Variants in DST observed in about 807,000 individuals in gnomAD.
The protein encoded by DST is bullous pemphigoid antigen.
In DST, 253 loss-of-function variants were observed where a neutral mutation model predicts 875.2. The ratio of observed to expected loss-of-function variants is 0.29; its 90% CI spans 0.26 to 0.32. The LOEUF (loss-of-function observed/expected upper bound fraction) is 0.32. Ranked by LOEUF, DST falls within the 10% of genes least tolerant of loss-of-function variation. DST has a pLI of 1.00. For missense variants in DST, 8,287 were observed against 9,111.6 expected (o/e 0.91, Z 3.68); for synonymous variants, 3,124 against 3,197.1 (o/e 0.98, Z 0.77).
intron 3 of DST, among the ~76,000 whole-genome samples, chr6:56,884,961 A>G (rs1424761211): frequency 6.6e-6 from 1 of 152,124 alleles, no homozygotes; most frequent in Admixed American, 6.5e-5. Flanking sequence ...CGATCTCCTG[A>G]CCTCATGATC....
Position 56,954,721 on chromosome 6 carries a change from C to T in DST, c.-134G>A. On this transcript the variant is annotated 5_prime_UTR_variant, in exon 1 of 104. Coordinates refer to ENST00000680361, the MANE Select transcript of DST (RefSeq NM_001374736.1). The stretch of plus-strand genomic sequence containing the variant: ...GCGTCATGCCTGGCGCTCGCGGCCC[C>T]GCGCCCAGCCCAATGGCTGCGCACC... 1 of 400,448 alleles carries T rather than the reference C, an allele frequency of 2.5e-6. No individual in the cohort carries two copies. Among genetic ancestry groups the T allele is most frequent in the Non-Finnish European group, 3.5e-6 (1 of 286,998 alleles). The allele number at this position is 400,448 out of a possible 1,614,324, so 24.8% of individuals were successfully genotyped here.
Position 56,634,466 on chromosome 6 carries a change from T to G in DST, c.3490A>C (p.Asn1164His). The G allele has an allele frequency of 6.2e-7, 1 of 1,614,150 alleles. No homozygotes were observed. Among genetic ancestry groups the G allele is most frequent in the Non-Finnish European group, 8.5e-7 (1 of 1,180,008 alleles). ...TTTTAGCTAATATATACAAACCTGT[T>G]GGCAAGGTCCACCGCTTCTTTGTTT... ...PPNKEAVDLA[N>H]RIEQQYQNVL... Residue 1164 changes from asparagine to histidine, a missense_variant, in exon 26 of 104, where the codon AAC (asparagine) becomes CAC (histidine). Around this residue, in one of 10 missense-constraint regions of DST, gnomAD observed 1,160 missense variants for 1,424.3 expected, o/e 0.81. Transcript: ENST00000680361.
chr6:56,600,783 TAAG>T lies in DST; in HGVS notation c.11542-565_11542-563del, dbSNP rs544757279. Reference sequence around the variant, plus strand: ...TAATTCATTAAATCTTCTAAAAGATTAAGAAGTCAACACTAATTACTTGCACCT... The same window carrying T: ...TAATTCATTAAATCTTCTAAAAGATTAAGTCAACACTAATTACTTGCACCT... On this transcript the variant is annotated intron_variant, in intron 44 of 103. Transcript: ENST00000680361. 4.2e-3 allele frequency among the ~76,000 whole-genome samples: 644 copies of T among 152,204 alleles called. 1 individual carries two copies. The highest frequency in any genetic ancestry group is 7.2e-3 in the Non-Finnish European group (492 of 67,954).
chr6:56,901,938 A>G (rs998378611), intron 2 of DST, among the ~76,000 whole-genome samples: 2 of 152,214 alleles, frequency 1.3e-5, no homozygotes, highest in Non-Finnish European at 2.9e-5. Context: ...AACACATGGG[A>G]ATGTGTAATG....
Position 56,631,295 on chromosome 6 carries a change from G to A in DST, c.4058C>T (p.Ser1353Leu). The A allele has an allele frequency of 6.2e-7, 1 of 1,613,978 alleles. No homozygotes were observed. Among genetic ancestry groups the A allele is most frequent in the South Asian group, 1.1e-5 (1 of 91,072 alleles). ...EFFSQAAASS[S>L]VPTLRSELNV... ...AAGCTCTGATCGTAGGGTAGGGACT[G>A]ATGAAGAGGCTGCTGCTTGACTGAA... Residue 1353 changes from serine to leucine, a missense_variant, in exon 30 of 104, where the codon TCA becomes TTA. Transcript: ENST00000680361.
chr6:56,875,918 G>C (rs913630170), intron 3 of DST, among the ~76,000 whole-genome samples: 1 of 152,062 alleles, frequency 6.6e-6, no homozygotes, highest in Admixed American at 6.6e-5. Context: ...TCTTTTCTAG[G>C]TGCCCTTTGA....
Position 56,714,047 on chromosome 6 carries a change from G to A in DST, c.688-9678C>T, listed in dbSNP as rs1050798357. Among the ~76,000 whole-genome samples the A allele has an allele frequency of 3.1e-4, 47 of 152,146 alleles. No homozygotes were observed. The highest frequency in any genetic ancestry group is 1.1e-3 in the African/African-American group (44 of 41,438). ...ATTTTTAAAGACACCCCCAGATGAT[G>A]AGATACCACTGCCACTGCTACAATC... On this transcript the variant is annotated intron_variant, in intron 5 of 103. Transcript: ENST00000680361. The surrounding 1 kb of genome is among the most constrained non-coding windows in gnomAD (Gnocchi z 4.5).
In DST at chr6:56,639,677, T is replaced by C. The variant is rs1335637796; in HGVS notation, c.2697+19A>G. On this transcript the variant is annotated intron_variant, in intron 20 of 103. Coordinates refer to ENST00000680361, the MANE Select transcript of DST (RefSeq NM_001374736.1). ...AAATATAGATAAGGGAAACAGAAGG[T>C]TTAAAAAAAAAAACTTACCAAGAGT... The C allele has an allele frequency of 6.2e-7, 1 of 1,612,668 alleles. No homozygotes were observed. Among genetic ancestry groups the C allele is most frequent in the Admixed American group, 1.7e-5 (1 of 59,974 alleles).
intron 8 of DST, 88 bp from the exon 9 acceptor site, chr6:56,699,833 T>C (rs2099285872): frequency 1.8e-6 from 1 of 557,914 alleles, no homozygotes; most frequent in East Asian, 3.4e-5. Context: ...ATTCTAAAAT[T>C]ATACAAAGAA....
Position 56,609,216 on chromosome 6 carries a change from A to C in DST, c.5412T>G (p.Ile1804Met). Residue 1804 changes from isoleucine to methionine, a missense_variant, in exon 40 of 104, where the codon ATT becomes ATG. Ile to Met is a conservative substitution (Grantham distance 10, BLOSUM62 1). This residue lies in a region of DST where 3,138 missense variants were observed against 3,116.6 expected (regional missense o/e 1.01). Transcript: ENST00000680361. ...TTAATTCTGGTGAAATTAGACCAGA[A>C]ATCATTAGCTGTGTCTCAAGCAACC... ...GIRLLETQLMISGLISPELRK... is the reference protein window; with the variant it reads ...GIRLLETQLMMSGLISPELRK... 6.2e-7 allele frequency: 1 copy of C among 1,613,858 alleles called. No homozygotes were observed.
At chr6:56,826,509 C>T (rs1472993159) in intron 4 of DST, among the ~76,000 whole-genome samples, 1 of 152,010 alleles carries the variant, frequency 6.6e-6, no homozygotes, top group Non-Finnish European at 1.5e-5. Context: ...GAGAGCTAAC[C>T]ACTCTTAAGT....
intron 4 of DST, among the ~76,000 whole-genome samples, chr6:56,783,185 A>G (rs537349813): frequency 6.6e-6 from 1 of 152,332 alleles, no homozygotes; most frequent in Admixed American, 6.5e-5. Context: ...TGGTGCTGAA[A>G]AAAATGTATA....
At chr6:56,492,536 G>GA in intron 84 of DST, 103 bp from the exon 85 acceptor site, 1 of 1,175,706 alleles carries the variant, frequency 8.5e-7, no homozygotes, top group Non-Finnish European at 1.2e-6. Context: ...AAGGACAAAC[G>GA]AAAGCTTTCG....
intron 4 of DST, among the ~76,000 whole-genome samples, chr6:56,807,486 T>C (rs1450944141): frequency 3.9e-5 from 6 of 152,292 alleles, no homozygotes; most frequent in Middle Eastern, 3.4e-3. Context: ...CATTACCTGA[T>C]TGCAACATTT....
intron 3 of DST, among the ~76,000 whole-genome samples, chr6:56,875,070 G>A (rs191553835): frequency 2.6e-5 from 4 of 152,132 alleles, no homozygotes; most frequent in African/African-American, 9.7e-5. Context: ...TGCAAGCTCC[G>A]CCTCCCAGGT....
At chr6:56,575,062 C>T (rs1007774487) in intron 50 of DST, among the ~76,000 whole-genome samples, 2 of 152,056 alleles carry the variant, frequency 1.3e-5, no homozygotes, top group Non-Finnish European at 2.9e-5. Flanking sequence ...AAATCATGCT[C>T]CTCTTACTAA....
chr6:56,473,518 T>A (rs1184541932), intron 93 of DST, among the ~76,000 whole-genome samples: 1 of 152,148 alleles, frequency 6.6e-6, no homozygotes, highest in East Asian at 1.9e-4. Context: ...CACGTCATGG[T>A]CATTTTTGTT....
Position 56,728,503 on chromosome 6 carries a change from G to A in DST, c.687+6725C>T, listed in dbSNP as rs183574554. 5.9e-5 allele frequency among the ~76,000 whole-genome samples: 9 copies of A among 152,094 alleles called. No homozygotes were observed. The East Asian group carries it at 1.4e-3, about 23-fold the overall frequency. On this transcript the variant is annotated intron_variant, in intron 5 of 103. Coordinates refer to ENST00000680361, the MANE Select transcript of DST (RefSeq NM_001374736.1). ...AGTCTGGCCAACATATTGAAACCTC[G>A]TCTCTATTAAAAAATACTAAAAATT...
Position 56,526,426 on chromosome 6 carries a change from A to G in DST, c.18064T>C (p.Leu6022=), listed in dbSNP as rs2096797992. The G allele has an allele frequency of 1.9e-6, 3 of 1,613,684 alleles. No homozygotes were observed. Among genetic ancestry groups the G allele is most frequent in the African/African-American group, 1.3e-5 (1 of 74,904 alleles). Residue 6022 remains leucine (L), a synonymous_variant, in exon 69 of 104, where the codon TTA becomes CTA. Coordinates refer to ENST00000680361, the MANE Select transcript of DST (RefSeq NM_001374736.1). ...MVAEDNERYR[L]VSDTITQKVE... ...TTCTGAGTGATGGTGTCGCTCACTA[A>G]TCGGTAGCGCTCATTGTCCTCAGCT...
Sources: allele counts gnomAD v4.1 joint callset (sites outside exome capture counted in the v4.1 genomes callset), GRCh38; gene constraint gnomAD v4.1.1; regional missense constraint gnomAD v4.1.1; non-coding constraint Gnocchi (gnomAD v3.1); transcripts MANE v1.5; gene names NCBI Gene and HGNC (gene_info 2026-07-23, HGNC 2026-07-21).